KIFAP3: variants seen among roughly 807,000 people sequenced by gnomAD.
KIFAP3 encodes the protein kinesin-associated protein 3.
KIFAP3 carries 68 observed loss-of-function variants against 106.5 expected under a neutral mutation model. That is an observed-to-expected ratio of 0.64 (90% CI 0.53 to 0.78). The LOEUF (loss-of-function observed/expected upper bound fraction) is 0.78, where lower values mean the gene tolerates loss of function less well. Ranked by LOEUF, KIFAP3 falls within the 30% of genes least tolerant of loss-of-function variation. The probability of loss-of-function intolerance (pLI) is 0.00; values close to 1 mark genes in which losing one functional copy is unlikely to be tolerated. For missense variants in KIFAP3, 780 were observed against 941.8 expected (o/e 0.83, Z 2.25); for synonymous variants, 320 against 311.5 (o/e 1.03, Z -0.29).
At chr1:169,969,251 C>T (rs1421093173) in intron 17 of KIFAP3, among the ~76,000 whole-genome samples, 3 of 151,944 alleles carry the variant, frequency 2.0e-5, no homozygotes, top group Non-Finnish European at 4.4e-5. Flanking sequence ...TAATGCTAAC[C>T]CTAACCCTAT....
chr1:169,955,443 T>C (rs986909040), intron 18 of KIFAP3, among the ~76,000 whole-genome samples: 2 of 152,152 alleles, frequency 1.3e-5, no homozygotes, highest in East Asian at 1.9e-4. Context: ...GTAAAAGCTA[T>C]AGAGGGGTCA....
At chr1:169,993,195 C>A (rs906829235) in intron 10 of KIFAP3, among the ~76,000 whole-genome samples, 1 of 151,312 alleles carries the variant, frequency 6.6e-6, no homozygotes, top group African/African-American at 2.4e-5. Flanking sequence ...GCAACCTCCA[C>A]CTCCCAGGTT....
chr1:170,075,023 T>C (rs991532307), upstream of KIFAP3, among the ~76,000 whole-genome samples: 3 of 152,194 alleles, frequency 2.0e-5, no homozygotes, highest in Non-Finnish European at 4.4e-5. Flanking sequence ...CTCTAACTTA[T>C]GGAGATAATC....
chr1:170,065,755 A>C (rs988312139), intron 1 of KIFAP3, among the ~76,000 whole-genome samples: 21 of 152,200 alleles, frequency 1.4e-4, no homozygotes, highest in Non-Finnish European at 2.6e-4. Flanking sequence ...TTACATTTTA[A>C]AAATAATTAA....
chr1:170,011,087 T>C (rs1159923498), intron 10 of KIFAP3, among the ~76,000 whole-genome samples: 2 of 151,992 alleles, frequency 1.3e-5, no homozygotes, highest in African/African-American at 4.8e-5. Context: ...GAAGAAAATG[T>C]ACCCCAAATA....
At chr1:169,962,696 G>T (rs1392661075) in intron 17 of KIFAP3, among the ~76,000 whole-genome samples, 9 of 151,922 alleles carry the variant, frequency 5.9e-5, no homozygotes, top group Non-Finnish European at 1.2e-4. Flanking sequence ...ATACATTTCT[G>T]GGATATAAAA....
chr1:170,014,546 A>G (rs780967495), intron 10 of KIFAP3, among the ~76,000 whole-genome samples: 6 of 152,214 alleles, frequency 3.9e-5, no homozygotes, highest in South Asian at 2.1e-4. Context: ...TCTATAAAGT[A>G]TCAATATAGG....
rs148434127 is a variant in KIFAP3 at position 170,033,545 on chromosome 1, T to C, written c.742+827A>G. Among the ~76,000 whole-genome samples, 904 of 151,878 alleles carry C rather than the reference T, an allele frequency of 6.0e-3. 4 individuals carry two copies. The highest frequency in any genetic ancestry group is 0.02 in the African/African-American group (850 of 41,526). ...ACAGATATGAATAAACCAGGGGCCT[T>C]TGATCTAGAAGCATTGAGTTTAGAG... is the stretch of plus-strand genomic sequence containing the variant. On this transcript the variant is annotated intron_variant, in intron 7 of 19. Coordinates refer to ENST00000361580, the MANE Select transcript of KIFAP3 (RefSeq NM_014970.4).
Position 169,978,191 on chromosome 1 carries a change from T to C in KIFAP3, c.1799-8A>G, listed in dbSNP as rs1553279081. 1.3e-6 allele frequency: 2 copies of C among 1,575,110 alleles called. No individual in the cohort carries two copies. Among genetic ancestry groups the C allele is most frequent in the Non-Finnish European group, 8.7e-7 (1 of 1,146,154 alleles). On this transcript the variant is annotated splice_region_variant and splice_polypyrimidine_tract_variant and intron_variant, in intron 15 of 19. Coordinates refer to ENST00000361580, the MANE Select transcript of KIFAP3 (RefSeq NM_014970.4). ...CATCATCTTCTTGTTGAGCTGTAAA[T>C]AAACAAAAAATTCAAATAAAGAATA...
At chr1:169,994,238 G>C (rs535221493) in intron 10 of KIFAP3, among the ~76,000 whole-genome samples, 1 of 152,282 alleles carries the variant, frequency 6.6e-6, no homozygotes, top group South Asian at 2.1e-4. Flanking sequence ...CTTGTCAGTG[G>C]TTGAGTGGGG....
intron 17 of KIFAP3, among the ~76,000 whole-genome samples, chr1:169,961,570 A>T (rs1230356872): frequency 6.6e-6 from 1 of 152,148 alleles, no homozygotes; most frequent in Non-Finnish European, 1.5e-5. Context: ...CTATAATTAA[A>T]GTTGACCTTA....
At position 169,974,853 on chromosome 1, in the gene KIFAP3, A is replaced by G. The variant is rs1166564638; in HGVS notation, c.1898-2255T>C. Among the ~76,000 whole-genome samples the G allele has an allele frequency of 3.3e-5, 5 of 151,930 alleles. No homozygotes were observed. The South Asian group carries it at 8.3e-4, about 25-fold the overall frequency. On this transcript the variant is annotated intron_variant, in intron 16 of 19. Transcript: ENST00000361580. ...TCAAGGGGAATCTAAAATAATCTAG[A>G]CAAATGTGGATTATAATCTTCCCTC...
intron 17 of KIFAP3, among the ~76,000 whole-genome samples, chr1:169,968,424 C>A (rs1394854165): frequency 6.6e-6 from 1 of 151,852 alleles, no homozygotes; most frequent in Non-Finnish European, 1.5e-5. Context: ...TGTGTTCTAA[C>A]ATAACTGATG....
chr1:169,954,644 TA>T (rs1664910237), intron 18 of KIFAP3, among the ~76,000 whole-genome samples: 1 of 152,158 alleles, frequency 6.6e-6, no homozygotes, highest in Non-Finnish European at 1.5e-5. Flanking sequence ...TGCCAGACAT[TA>T]AAACACACAC....
At chr1:169,937,766 G>T (rs1663889966) in intron 19 of KIFAP3, among the ~76,000 whole-genome samples, 1 of 151,606 alleles carries the variant, frequency 6.6e-6, no homozygotes, top group South Asian at 2.1e-4. Flanking sequence ...ATCCTCTAAA[G>T]ATACAGCAGT....
chr1:169,989,326 T>C (rs1262399731), intron 11 of KIFAP3, among the ~76,000 whole-genome samples: 1 of 105,986 alleles, frequency 9.4e-6, no homozygotes, highest in East Asian at 2.5e-4. Context: ...TGGTTTGCAT[T>C]TATTTATCTT....
rs74547073 is a variant in KIFAP3, at chr1:170,029,660, T to G, written c.841+2226A>C. Among the ~76,000 whole-genome samples, 1,090 of 151,328 alleles carry G rather than the reference T, an allele frequency of 7.2e-3. 18 individuals are homozygous for G. The highest frequency in any genetic ancestry group is 0.024 in the African/African-American group (999 of 41,294). On this transcript the variant is annotated intron_variant, in intron 8 of 19. Coordinates refer to ENST00000361580, the MANE Select transcript of KIFAP3 (RefSeq NM_014970.4). ...CCAAAGTAAGCTGAAGAAAAAAAAT[T>G]ATAAAGATCAAAGTAGAAATCAATG...
chr1:169,989,959 T>C, intron 11 of KIFAP3: 1 of 1,217,858 alleles, frequency 8.2e-7, no homozygotes, highest in South Asian at 1.5e-5. Context: ...GACAAGGAAT[T>C]ATGTAGTAGG....
chr1:170,029,019 C>T (rs1362804436), intron 8 of KIFAP3, among the ~76,000 whole-genome samples: 2 of 151,962 alleles, frequency 1.3e-5, no homozygotes, highest in African/African-American at 4.8e-5. Context: ...TTAATATAGA[C>T]ATAAATATAT....
Sources: gnomAD v4.1 joint callset for allele counts (sites outside exome capture counted in the v4.1 genomes callset) on GRCh38, gnomAD v4.1.1 for gene constraint, MANE v1.5 for transcripts, NCBI Gene and HGNC (gene_info 2026-07-23, HGNC 2026-07-21) for gene names.